Variants in ANKRD46 observed in about 807,000 individuals in gnomAD.
The protein encoded by ANKRD46 is ankyrin repeat domain 46, also known as ankyrin repeat domain-containing protein 46.
A neutral mutation model predicts 19.8 loss-of-function variants in ANKRD46; 13 were observed. The ratio of observed to expected loss-of-function variants is 0.66; its 90% confidence interval spans 0.43 to 1.04. The LOEUF (loss-of-function observed/expected upper bound fraction) is 1.04, where lower values mean the gene tolerates loss of function less well. ANKRD46 is among the 50% of genes least tolerant of loss of function. The probability of loss-of-function intolerance (pLI) is 0.00; values close to 1 mark genes in which losing one functional copy is unlikely to be tolerated. For missense variants in ANKRD46, 185 were observed against 274.8 expected (o/e 0.67, Z 2.31); for synonymous variants, 91 against 106.9 (o/e 0.85, Z 0.92).
rs1812072963 is a variant in ANKRD46, at chr8:100,536,811, A to C, written c.-130-3500T>G. On this transcript the variant is annotated intron_variant, in intron 1 of 4. Transcript: ENST00000335659. This position sits in a 1 kb window ranked among gnomAD's most constrained non-coding sequence, Gnocchi z 4.9. ...CTGGTTCAGAGGCAGACTAGCTGGC[A>C]TTGTTAAAAGCAGAACTTTGGGGGT... Among the ~76,000 whole-genome samples the C allele has an allele frequency of 6.6e-6, 1 of 152,206 alleles. No homozygotes were observed. Among genetic ancestry groups the C allele is most frequent in the Non-Finnish European group, 1.5e-5 (1 of 68,038 alleles).
rs942114431 is a variant in ANKRD46 at position 100,524,157 on chromosome 8, T to G, written c.471-1386A>C. On this transcript the variant is annotated intron_variant, in intron 4 of 4. Transcript: ENST00000335659. This position sits in a 1 kb window ranked among gnomAD's most constrained non-coding sequence, Gnocchi z 4.3. ...GAGAAACTGCATCTGACTTTGGTAC[T>G]TGGAAGCACTAAGGGAAGAGCACTC... 6.6e-6 allele frequency among the ~76,000 whole-genome samples: 1 copy of G among 152,190 alleles called. No homozygotes were observed. The highest frequency in any genetic ancestry group is 2.1e-4 in the South Asian group (1 of 4,818).
rs572215882 is a variant in ANKRD46 at position 100,526,910 on chromosome 8, C to T, written c.470+935G>A. Among the ~76,000 whole-genome samples, 3 of 152,212 alleles carry T rather than the reference C, an allele frequency of 2.0e-5. No homozygotes were observed. In the South Asian group the frequency reaches 6.2e-4, roughly 32 times the overall value. ...ACTAGGTAAACAGCTGATGTGGGCC[C>T]TTGCTTATTCTATTTACAACCTACC... On this transcript the variant is annotated intron_variant, in intron 4 of 4. Coordinates refer to ENST00000335659, the MANE Select transcript of ANKRD46 (RefSeq NM_001270377.2).
chr8:100,518,722 C>G (rs1438334357), downstream of ANKRD46, among the ~76,000 whole-genome samples: 3 of 151,822 alleles, frequency 2.0e-5, no homozygotes, highest in Non-Finnish European at 4.4e-5. Flanking sequence ...CGTGGTGGCA[C>G]GCCCCTGTAA....
In ANKRD46 at chr8:100,522,071, G is replaced by C; in HGVS notation, c.*484C>G. The C allele has an allele frequency of 8.1e-6, 8 of 986,646 alleles. No individual in the cohort carries two copies. Among genetic ancestry groups the C allele is most frequent in the South Asian group, 4.7e-5 (1 of 21,450 alleles). 61.1% of individuals were successfully genotyped at this position (986,646 alleles called of 1,614,324 possible). On this transcript the variant is annotated 3_prime_UTR_variant, in exon 5 of 5. Transcript: ENST00000335659. ...CAATACTAATTTGCACACAAGATTT[G>C]AAAAAAGTACTTCAAGTTTTATCTC...
At chr8:100,542,710 T>C (rs1440430607) in intron 1 of ANKRD46, among the ~76,000 whole-genome samples, 1 of 152,118 alleles carries the variant, frequency 6.6e-6, no homozygotes, top group African/African-American at 2.4e-5. Context: ...CCCCCAGGTT[T>C]TCTAGCCTAG....
Position 100,522,543 on chromosome 8 carries a change from C to T in ANKRD46, c.*12G>A. On this transcript the variant is annotated 3_prime_UTR_variant, in exon 5 of 5. Transcript: ENST00000335659. ...AACAGGCAATTAATTGCCTCATCTTCCATGAGCTCCTTTAATGCACCAGTT... is the reference window on the plus strand; with the variant it reads ...AACAGGCAATTAATTGCCTCATCTTTCATGAGCTCCTTTAATGCACCAGTT... The T allele has an allele frequency of 6.2e-7, 1 of 1,613,650 alleles. No homozygotes were observed. The highest frequency in any genetic ancestry group is 1.3e-5 in the African/African-American group (1 of 75,034).
At position 100,527,237 on chromosome 8, in the gene ANKRD46, A is replaced by T. The variant is rs1811859147; in HGVS notation, c.470+608T>A. On this transcript the variant is annotated intron_variant, in intron 4 of 4. Transcript: ENST00000335659. This position sits in a 1 kb window ranked among gnomAD's most constrained non-coding sequence, Gnocchi z 4.0. ...CAGGAATCCAAATTTCATTAGCTCC[A>T]ACTCATATGAAAGTCACTTTCACTT... 6.6e-6 allele frequency among the ~76,000 whole-genome samples: 1 copy of T among 152,204 alleles called. No homozygotes were observed.
chr8:100,529,573 A>C lies in ANKRD46; in HGVS notation c.261T>G (p.His87Gln). The change falls in exon 3 of 5, where the codon CAT (histidine) becomes CAG (glutamine). Residue 87 changes from histidine to glutamine, a missense_variant. Physicochemically the swap from His to Gln is conservative, Grantham distance 24. Coordinates refer to ENST00000335659, the MANE Select transcript of ANKRD46 (RefSeq NM_001270377.2). This position sits in a 1 kb window ranked among gnomAD's most constrained non-coding sequence, Gnocchi z 5.8. ...QGNTALHLCGHVDTIQFLVSN... is the reference protein window; with the variant it reads ...QGNTALHLCGQVDTIQFLVSN... ...AAACCAAAAATTGGATAGTATCCACATGGCCACAGAGGTGAAGAGCTGTGT... is the reference window on the plus strand; with the variant it reads ...AAACCAAAAATTGGATAGTATCCACCTGGCCACAGAGGTGAAGAGCTGTGT... 1 of 1,614,280 alleles carries C rather than the reference A, an allele frequency of 6.2e-7. No individual in the cohort carries two copies.
At chr8:100,551,501 T>C (rs923026075) in intron 1 of ANKRD46, 2 of 797,622 alleles carry the variant, frequency 2.5e-6, no homozygotes, top group East Asian at 3.0e-5. Flanking sequence ...GGTGATGGGA[T>C]TTCCATTGAT....
In ANKRD46 at chr8:100,530,187, G is replaced by A. The variant is rs937501360; in HGVS notation, c.-27-327C>T. ...AAGTATTACATTGTCAGAACACATAGATAACATGGTGTTTAAACATCAAAG... is the reference window on the plus strand; with the variant it reads ...AAGTATTACATTGTCAGAACACATAAATAACATGGTGTTTAAACATCAAAG... On this transcript the variant is annotated intron_variant, in intron 2 of 4. Coordinates refer to ENST00000335659, the MANE Select transcript of ANKRD46 (RefSeq NM_001270377.2). Among the ~76,000 whole-genome samples the A allele has an allele frequency of 2.0e-5, 3 of 152,138 alleles. No individual in the cohort carries two copies. The East Asian group carries it at 5.8e-4, about 29-fold the overall frequency.
At chr8:100,518,791 G>T (rs560106698), downstream of ANKRD46, among the ~76,000 whole-genome samples, 1 of 151,930 alleles carries the variant, frequency 6.6e-6, no homozygotes, top group South Asian at 2.1e-4. Flanking sequence ...GGCAGAGCTT[G>T]CAGTGAGCCA....
intron 1 of ANKRD46, among the ~76,000 whole-genome samples, chr8:100,553,286 C>T (rs1444148120): frequency 3.9e-5 from 6 of 152,200 alleles, no homozygotes. Flanking sequence ...GGGCAAAATA[C>T]AGCCAAAAGA....
intron 5 of ANKRD46, among the ~76,000 whole-genome samples, chr8:100,512,744 G>A (rs1322281614): frequency 6.6e-5 from 10 of 152,184 alleles, no homozygotes; most frequent in African/African-American, 2.4e-4. Context: ...AAAGAATTTT[G>A]CAATTGTGAC....
rs2130640966 is a variant in ANKRD46, at chr8:100,522,363, A to G, written c.*192T>C. The G allele has an allele frequency of 7.1e-7, 1 of 1,410,980 alleles. No homozygotes were observed. Among genetic ancestry groups the G allele is most frequent in the East Asian group, 2.6e-5 (1 of 38,560 alleles). 87.4% of individuals were successfully genotyped at this position (1,410,980 alleles called of 1,614,324 possible). A position where few individuals can be genotyped will look rare whatever the true frequency, so the allele number is the denominator to read the frequency against. On this transcript the variant is annotated 3_prime_UTR_variant, in exon 5 of 5. Transcript: ENST00000335659. ...GAGTCAGAGGTAGCGTTAGGATGCA[A>G]TATACTTGATCATAGTATGTAGTTA...
rs79805618 is a variant in ANKRD46 at position 100,544,324 on chromosome 8, A to G, written c.-130-11013T>C. Reference sequence around the variant, plus strand: ...ACATAAAGAAGCAAGGACAAAGAACATAAGCCTAAAGTTGGGGAGGGGCCT... The same window carrying G: ...ACATAAAGAAGCAAGGACAAAGAACGTAAGCCTAAAGTTGGGGAGGGGCCT... On this transcript the variant is annotated intron_variant, in intron 1 of 4. Transcript: ENST00000335659. This position sits in a 1 kb window ranked among gnomAD's most constrained non-coding sequence, Gnocchi z 4.4. 1.3e-5 allele frequency among the ~76,000 whole-genome samples: 2 copies of G among 152,338 alleles called. No individual in the cohort carries two copies. The highest frequency in any genetic ancestry group is 2.9e-5 in the Non-Finnish European group (2 of 68,030).
rs1032706534 is a variant in ANKRD46, at chr8:100,543,163, G to A, written c.-130-9852C>T. On this transcript the variant is annotated intron_variant, in intron 1 of 4. Transcript: ENST00000335659. The surrounding 1 kb of genome is among the most constrained non-coding windows in gnomAD (Gnocchi z 4.2). The stretch of plus-strand genomic sequence containing the variant: ...AATTGTCAAAGACTATGGATCTTAA[G>A]TTTTAATAGCTACATAGCTCTTCCA... Among the ~76,000 whole-genome samples the A allele has an allele frequency of 9.2e-5, 14 of 152,272 alleles. No individual in the cohort carries two copies. The South Asian group carries it at 2.3e-3, about 25-fold the overall frequency.
At position 100,525,170 on chromosome 8, in the gene ANKRD46, C is replaced by A. The variant is rs1195690828; in HGVS notation, c.471-2399G>T. ...TACATTTAAAACCCTGCTTTATCTT[C>A]TGCTCTAGAAAAAGCCATTACACAA... is the stretch of plus-strand genomic sequence containing the variant. On this transcript the variant is annotated intron_variant, in intron 4 of 4. Transcript: ENST00000335659. This position sits in a 1 kb window ranked among gnomAD's most constrained non-coding sequence, Gnocchi z 4.4. 6.6e-6 allele frequency among the ~76,000 whole-genome samples: 1 copy of A among 152,180 alleles called. No homozygotes were observed. Among genetic ancestry groups the A allele is most frequent in the Non-Finnish European group, 1.5e-5 (1 of 68,030 alleles).
intron 1 of ANKRD46, among the ~76,000 whole-genome samples, chr8:100,549,975 C>T (rs746180692): frequency 1.3e-5 from 2 of 152,146 alleles, no homozygotes; most frequent in Non-Finnish European, 2.9e-5. Context: ...CCTCATAATA[C>T]GTGTTTTCTG....
At chr8:100,553,976 A>G (rs1812445497) in intron 1 of ANKRD46, among the ~76,000 whole-genome samples, 1 of 152,224 alleles carries the variant, frequency 6.6e-6, no homozygotes, top group Non-Finnish European at 1.5e-5. Context: ...CCTAAATAAT[A>G]ATGTGCACAA....
Sources: gnomAD v4.1 joint callset for allele counts (sites outside exome capture counted in the v4.1 genomes callset) on GRCh38, gnomAD v4.1.1 for gene constraint, Gnocchi (gnomAD v3.1) non-coding constraint, MANE v1.5 for transcripts, NCBI Gene and HGNC (gene_info 2026-07-23, HGNC 2026-07-21) for gene names.